The following GNA12 variants were observed in gnomAD, a reference collection of about 807,000 sequenced individuals.
The protein encoded by GNA12 is guanine nucleotide-binding protein subunit alpha-12.
In GNA12, 9 loss-of-function variants were observed where a neutral mutation model predicts 26.0. That is an observed-to-expected ratio of 0.35 (90% CI 0.21 to 0.60). The LOEUF (loss-of-function observed/expected upper bound fraction) is 0.60, where lower values mean the gene tolerates loss of function less well. Ranked by LOEUF, GNA12 falls within the 20% of genes least tolerant of loss-of-function variation. The pLI is 0.78. For synonymous variants in GNA12, 264 were observed against 219.6 expected (o/e 1.20, Z -1.79); for missense variants, 405 against 525.8 (o/e 0.77, Z 2.25).
intron 2 of GNA12, among the ~76,000 whole-genome samples, chr7:2,788,240 C>T (rs977795668): frequency 6.6e-6 from 1 of 152,184 alleles, no homozygotes; most frequent in African/African-American, 2.4e-5. Flanking sequence ...CATCCAGGCT[C>T]CCCCAGGCTG....
rs556825239 is a variant in GNA12, at chr7:2,768,692, A to C, written c.525+26236T>G. On this transcript the variant is annotated intron_variant, in intron 2 of 3. Coordinates refer to ENST00000275364, the MANE Select transcript of GNA12 (RefSeq NM_007353.3). The stretch of plus-strand genomic sequence containing the variant: ...AAAAAAAAAACAAAACAAAACAAAA[A>C]AAAAAACAGTAAACCTATGGATAAA... Among the ~76,000 whole-genome samples the C allele has an allele frequency of 4.5e-3, 387 of 86,784 alleles. 5 individuals are homozygous for C. Among genetic ancestry groups the C allele is most frequent in the East Asian group, 0.039 (126 of 3,220 alleles). 56.9% of individuals were successfully genotyped at this position (86,784 alleles called of 152,430 possible).
chr7:2,782,385 G>A (rs1220237005), intron 2 of GNA12, among the ~76,000 whole-genome samples: 1 of 152,120 alleles, frequency 6.6e-6, no homozygotes, highest in Non-Finnish European at 1.5e-5. Context: ...CCTGTTGGGA[G>A]GATTTGCTAC....
At chr7:2,817,228 C>A (rs1034354323) in intron 1 of GNA12, among the ~76,000 whole-genome samples, 2 of 152,270 alleles carry the variant, frequency 1.3e-5, no homozygotes, top group Non-Finnish European at 2.9e-5. Flanking sequence ...GTCTCAGCCT[C>A]CTGATAGCTG....
chr7:2,804,880 G>A (rs1049029982), intron 1 of GNA12, among the ~76,000 whole-genome samples: 1 of 150,438 alleles, frequency 6.6e-6, no homozygotes, highest in African/African-American at 2.5e-5. Flanking sequence ...ACAACTTACC[G>A]AGACCCTATC....
chr7:2,757,129 C>CTTT lies in GNA12; in HGVS notation c.526-23631_526-23629dup, dbSNP rs71026549. ...GCAGGCCCGATCTAATCAGGTGGGC[C>CTTT]TTTTTTTTTTTTTTTTTTTTTTTTG... is the stretch of plus-strand genomic sequence containing the variant. On this transcript the variant is annotated intron_variant, in intron 2 of 3. Transcript: ENST00000275364. Among the ~76,000 whole-genome samples the CTTT allele has an allele frequency of 4.2e-3, 394 of 93,954 alleles. 5 individuals are homozygous for CTTT. The highest frequency in any genetic ancestry group is 0.015 in the African/African-American group (345 of 22,980). 61.6% of individuals were successfully genotyped at this position (93,954 alleles called of 152,430 possible).
At chr7:2,732,743 A>G (rs1185688361) in intron 3 of GNA12, among the ~76,000 whole-genome samples, 1 of 152,196 alleles carries the variant, frequency 6.6e-6, no homozygotes, top group African/African-American at 2.4e-5. Context: ...GTGGAAGAGC[A>G]AAGTCCACAT....
At chr7:2,841,861 A>T (rs1413871176) in intron 1 of GNA12, among the ~76,000 whole-genome samples, 1 of 151,822 alleles carries the variant, frequency 6.6e-6, no homozygotes, top group Non-Finnish European at 1.5e-5. Context: ...GCACCATAAA[A>T]CCTAGTCTCC....
At chr7:2,762,683 A>G in intron 2 of GNA12, 2 of 1,586,932 alleles carry the variant, frequency 1.3e-6, no homozygotes, top group South Asian at 2.3e-5. Context: ...TTGGAAAGAA[A>G]CCACGCTGCC....
chr7:2,776,132 G>A (rs1035268076), intron 2 of GNA12, among the ~76,000 whole-genome samples: 1 of 152,206 alleles, frequency 6.6e-6, no homozygotes, highest in Non-Finnish European at 1.5e-5. Context: ...CTGGGCTTCA[G>A]CAATCCTTGC....
chr7:2,798,553 G>A (rs976426563), intron 1 of GNA12, among the ~76,000 whole-genome samples: 1 of 152,166 alleles, frequency 6.6e-6, no homozygotes, highest in Non-Finnish European at 1.5e-5. Context: ...CCACGGTCAC[G>A]AATTAGAAGA....
intron 1 of GNA12, among the ~76,000 whole-genome samples, chr7:2,831,571 T>C (rs1778659704): frequency 6.6e-6 from 1 of 151,892 alleles, no homozygotes; most frequent in Admixed American, 6.6e-5. Context: ...GCCCGGTTAT[T>C]TTTTTGTATT....
At chr7:2,798,523 T>C (rs1445031520) in intron 1 of GNA12, among the ~76,000 whole-genome samples, 1 of 152,158 alleles carries the variant, frequency 6.6e-6, no homozygotes, top group African/African-American at 2.4e-5. Context: ...GAAAGAAATT[T>C]TCAAAATCTA....
At chr7:2,747,210 A>G (rs1259133170) in intron 2 of GNA12, among the ~76,000 whole-genome samples, 2 of 152,222 alleles carry the variant, frequency 1.3e-5, no homozygotes, top group East Asian at 3.8e-4. Context: ...TGGCAGAGAC[A>G]CAACCAAAAA....
chr7:2,799,687 A>G (rs778083029), intron 1 of GNA12, among the ~76,000 whole-genome samples: 2 of 152,238 alleles, frequency 1.3e-5, no homozygotes, highest in African/African-American at 2.4e-5. Flanking sequence ...AAAATTTTTT[A>G]AAGAAAATGG....
chr7:2,835,593 T>A, intron 1 of GNA12: 1 of 600,478 alleles, frequency 1.7e-6, no homozygotes, highest in Admixed American at 2.9e-5. Context: ...CAAAGTCCCA[T>A]TGTCTCATGC....
chr7:2,742,403 G>C (rs1028948824), intron 2 of GNA12, among the ~76,000 whole-genome samples: 2 of 152,154 alleles, frequency 1.3e-5, no homozygotes, highest in South Asian at 2.1e-4. Context: ...ACAGTTTCGA[G>C]ATGATTTTCC....
chr7:2,830,549 C>T (rs1793580528), intron 1 of GNA12, among the ~76,000 whole-genome samples: 1 of 152,132 alleles, frequency 6.6e-6, no homozygotes, highest in South Asian at 2.1e-4. Flanking sequence ...CTGAGCCCCA[C>T]CTGCTTACTG....
At chr7:2,807,581 G>GAC (rs538907397) in intron 1 of GNA12, among the ~76,000 whole-genome samples, 171 of 148,066 alleles carry the variant, frequency 1.2e-3, no homozygotes, top group African/African-American at 4.0e-3. Context: ...TAAGGTATAA[G>GAC]AGAGAAAAAA....
At chr7:2,811,668 C>G (rs576605849) in intron 1 of GNA12, among the ~76,000 whole-genome samples, 1 of 152,338 alleles carries the variant, frequency 6.6e-6, no homozygotes, top group African/African-American at 2.4e-5. Context: ...CTTCCCCTGA[C>G]AGGCTCTGGT....
Sources: gnomAD v4.1 joint callset for allele counts (sites outside exome capture counted in the v4.1 genomes callset) on GRCh38, gnomAD v4.1.1 for gene constraint, MANE v1.5 for transcripts, NCBI Gene and HGNC (gene_info 2026-07-23, HGNC 2026-07-21) for gene names.